Variants in ABTB3 observed in about 807,000 individuals in gnomAD.
ABTB3 encodes ankyrin repeat and BTB domain containing 3.
At chr12:107,556,268 G>A in the ABTB3 span, among the ~76,000 whole-genome samples, 2 of 151,894 alleles carry the variant, frequency 1.3e-5, no homozygotes, top group Admixed American at 1.3e-4. Context: ...CTAATTTTTT[G>A]TATTTTTAGT....
At chr12:107,638,440 C>T in the ABTB3 span, among the ~76,000 whole-genome samples, 2 of 152,084 alleles carry the variant, frequency 1.3e-5, no homozygotes, top group East Asian at 1.9e-4. Context: ...TTGGTCCTGC[C>T]CTCAATAGTT....
At chr12:107,591,129 G>T in the ABTB3 span, among the ~76,000 whole-genome samples, 1 of 152,180 alleles carries the variant, frequency 6.6e-6, no homozygotes, top group East Asian at 1.9e-4. Context: ...GTGTGTACAT[G>T]CCATTTCATT....
chr12:107,592,488 C>T, the ABTB3 span, among the ~76,000 whole-genome samples: 1 of 152,036 alleles, frequency 6.6e-6, no homozygotes, highest in Non-Finnish European at 1.5e-5. Flanking sequence ...AAACAATCTG[C>T]CTAGAGAGAA....
chr12:107,447,839 T>G, the ABTB3 span, among the ~76,000 whole-genome samples: 5 of 152,070 alleles, frequency 3.3e-5, no homozygotes, highest in Non-Finnish European at 7.4e-5. Context: ...ATACATAATT[T>G]TGAAATTGCT....
the ABTB3 span, among the ~76,000 whole-genome samples, chr12:107,334,598 C>T: frequency 2.6e-5 from 4 of 152,040 alleles, no homozygotes; most frequent in East Asian, 5.8e-4. Flanking sequence ...TTAACTAGGC[C>T]ATTGGATACT....
the ABTB3 span, among the ~76,000 whole-genome samples, chr12:107,383,974 A>G: frequency 1.3e-5 from 2 of 152,184 alleles, no homozygotes; most frequent in Admixed American, 1.3e-4. Flanking sequence ...CCAAGCGCCC[A>G]GGTGTGCAGG....
chr12:107,327,162 A>C, the ABTB3 span, among the ~76,000 whole-genome samples: 1 of 152,222 alleles, frequency 6.6e-6, no homozygotes, highest in South Asian at 2.1e-4. Context: ...AGATTTTGCA[A>C]TGCAATTCCC....
At chr12:107,358,216 C>A in the ABTB3 span, among the ~76,000 whole-genome samples, 2 of 152,120 alleles carry the variant, frequency 1.3e-5, no homozygotes, top group African/African-American at 4.8e-5. Flanking sequence ...ATAAGTGCTA[C>A]AGAGAAAAAT....
the ABTB3 span, among the ~76,000 whole-genome samples, chr12:107,429,126 G>A: frequency 5.6e-3 from 858 of 152,312 alleles, 4 homozygotes; most frequent in Non-Finnish European, 8.4e-3. Flanking sequence ...CTGGCTTAAC[G>A]CACAGAAAGT....
chr12:107,515,419 C>A, the ABTB3 span, among the ~76,000 whole-genome samples: 1 of 152,176 alleles, frequency 6.6e-6, no homozygotes, highest in African/African-American at 2.4e-5. Context: ...ACCATCATCC[C>A]CTTTCCCTAA....
At chr12:107,348,454 G>A in the ABTB3 span, among the ~76,000 whole-genome samples, 1 of 152,132 alleles carries the variant, frequency 6.6e-6, no homozygotes, top group Non-Finnish European at 1.5e-5. Flanking sequence ...ACCTGTTCAC[G>A]CCTGGTGCAG....
At chr12:107,368,035 T>C in the ABTB3 span, among the ~76,000 whole-genome samples, 5 of 152,252 alleles carry the variant, frequency 3.3e-5, no homozygotes, top group Admixed American at 3.3e-4. Context: ...ATGTTGGTTG[T>C]ACATCTAGCT....
chr12:107,369,862 C>T, the ABTB3 span, among the ~76,000 whole-genome samples: 1 of 151,876 alleles, frequency 6.6e-6, no homozygotes, highest in African/African-American at 2.4e-5. Context: ...TCCTGTAATG[C>T]TGGGAGGTGG....
chr12:107,379,236 G>C, the ABTB3 span, among the ~76,000 whole-genome samples: 2 of 152,136 alleles, frequency 1.3e-5, no homozygotes, highest in African/African-American at 4.8e-5. Context: ...CTGGTTGTTG[G>C]CATTGCTCTT....
chr12:107,615,117 G>A, the ABTB3 span: 30 of 1,613,644 alleles, frequency 1.9e-5, no homozygotes, highest in East Asian at 2.5e-4. Flanking sequence ...GCCATTGGAC[G>A]GCTCTGACTT....
chr12:107,362,993 C>T, the ABTB3 span, among the ~76,000 whole-genome samples: 1 of 152,172 alleles, frequency 6.6e-6, no homozygotes, highest in Admixed American at 6.5e-5. Flanking sequence ...TGAATCCCGG[C>T]AGCCTGACTC....
the ABTB3 span, chr12:107,657,768 G>A: frequency 4.5e-5 from 72 of 1,585,022 alleles, no homozygotes; most frequent in Middle Eastern, 4.2e-4. Context: ...TTCTCCTGCC[G>A]CATTGGCTTT....
At chr12:107,355,975 T>C in the ABTB3 span, among the ~76,000 whole-genome samples, 1 of 152,384 alleles carries the variant, frequency 6.6e-6, no homozygotes, top group Middle Eastern at 3.4e-3. Context: ...TCATCTTTAA[T>C]ATTTCTTGCT....
chr12:107,529,306 T>G, the ABTB3 span, among the ~76,000 whole-genome samples: 102 of 151,498 alleles, frequency 6.7e-4, 2 homozygotes, highest in Non-Finnish European at 9.1e-4. Context: ...ATGGTGATGA[T>G]GATGATGGAG....
Sources: gnomAD v4.1 joint callset for allele counts (sites outside exome capture counted in the v4.1 genomes callset) on GRCh38, gnomAD v4.1.1 for gene constraint, MANE v1.5 for transcripts, NCBI Gene and HGNC (gene_info 2026-07-23, HGNC 2026-07-21) for gene names.